SORCS3: variants seen among roughly 807,000 people sequenced by gnomAD.
SORCS3 encodes sortilin related VPS10 domain containing receptor 3, also known as VPS10 domain-containing receptor SorCS3.
Under a neutral mutation model 146.3 loss-of-function variants are expected in SORCS3, and 57 were observed. That is an observed-to-expected ratio of 0.39 (90% CI 0.31 to 0.49). The LOEUF (loss-of-function observed/expected upper bound fraction) is 0.49, where lower values mean the gene tolerates loss of function less well. Among genes scored for constraint, SORCS3 ranks in the 20% least tolerant of loss-of-function variants. SORCS3 has a pLI of 0.92. For synonymous variants in SORCS3, 653 were observed against 618.5 expected, an observed-to-expected ratio of 1.06 and a Z score of -0.83; for missense variants, 1,341 against 1,575.5, an observed-to-expected ratio of 0.85 and a Z score of 2.52.
chr10:104,719,344 T>A (rs1484062340), intron 1 of SORCS3, among the ~76,000 whole-genome samples: 1 of 152,216 alleles, frequency 6.6e-6, no homozygotes, highest in Non-Finnish European at 1.5e-5. Flanking sequence ...GTGTGCTGCA[T>A]GTGGCTTTGG....
At chr10:104,799,681 C>CA (rs376952054) in intron 1 of SORCS3, among the ~76,000 whole-genome samples, 1 of 147,536 alleles carries the variant, frequency 6.8e-6, no homozygotes, top group African/African-American at 2.5e-5. Context: ...TAACCCAGAA[C>CA]TTTTTTTTTT....
chr10:104,883,259 G>C (rs1391034481), intron 2 of SORCS3, among the ~76,000 whole-genome samples: 2 of 152,162 alleles, frequency 1.3e-5, no homozygotes, highest in African/African-American at 4.8e-5. Context: ...CCTTTCAGCA[G>C]TGAGAGTCTC....
At chr10:105,185,472 C>T (rs1046113360) in intron 14 of SORCS3, among the ~76,000 whole-genome samples, 7 of 152,152 alleles carry the variant, frequency 4.6e-5, no homozygotes, top group African/African-American at 1.2e-4. Context: ...ATGTCCTCTC[C>T]GGCTGTCCCG....
chr10:105,074,721 G>A (rs2055578244), intron 5 of SORCS3, among the ~76,000 whole-genome samples: 2 of 152,126 alleles, frequency 1.3e-5, no homozygotes, highest in South Asian at 4.1e-4. Context: ...TTCTACCATT[G>A]ATTCCAACCT....
chr10:105,159,725 T>G (rs2056245990), intron 11 of SORCS3, among the ~76,000 whole-genome samples: 1 of 152,228 alleles, frequency 6.6e-6, no homozygotes, highest in Non-Finnish European at 1.5e-5. Flanking sequence ...GCAGATAAAT[T>G]CACAGTGACT....
chr10:104,916,608 GT>G (rs1411377264), intron 3 of SORCS3, among the ~76,000 whole-genome samples: 1 of 152,160 alleles, frequency 6.6e-6, no homozygotes, highest in Non-Finnish European at 1.5e-5. Flanking sequence ...ACAATGGGCA[GT>G]TTTAGAAAAC....
At chr10:104,724,851 G>A (rs6421341) in intron 1 of SORCS3, among the ~76,000 whole-genome samples, 84,022 of 151,918 alleles carry the variant, frequency 0.55, 23,457 homozygotes, top group East Asian at 0.7. Flanking sequence ...ACTTCTCTGC[G>A]TTGGTTATTC....
At chr10:105,148,477 T>A (rs1166550878) in intron 9 of SORCS3, among the ~76,000 whole-genome samples, 1 of 152,062 alleles carries the variant, frequency 6.6e-6, no homozygotes, top group Non-Finnish European at 1.5e-5. Flanking sequence ...TGTGGTACCT[T>A]TTATAGTGAC....
At position 105,157,229 on chromosome 10, in the gene SORCS3, G is replaced by C; in HGVS notation, c.1574G>C (p.Arg525Pro). 1 of 1,614,068 alleles carries C rather than the reference G, an allele frequency of 6.2e-7. No individual in the cohort carries two copies. The highest frequency in any genetic ancestry group is 8.5e-7 in the Non-Finnish European group (1 of 1,179,958). ...ACTTACAACAAAGGCAGGGATTGGC[G>C]CCTGCTGCAAGCTCCGGATGTGGAC... ...YITYNKGRDW[R>P]LLQAPDVDLR... The change falls in exon 10 of 27, where the codon CGC becomes CCC. Residue 525 changes from arginine to proline, a missense_variant. Physicochemically the swap from Arg to Pro is moderately radical, Grantham distance 103 (BLOSUM62 -2). Coordinates refer to ENST00000369701, the MANE Select transcript of SORCS3 (RefSeq NM_014978.3).
intron 1 of SORCS3, among the ~76,000 whole-genome samples, chr10:104,766,162 G>T (rs1393362355): frequency 6.6e-6 from 1 of 152,214 alleles, no homozygotes; most frequent in East Asian, 1.9e-4. Flanking sequence ...GGGGAGTTGG[G>T]ACTAAGTCTG....
chr10:104,990,897 C>A (rs2054990008), intron 4 of SORCS3, among the ~76,000 whole-genome samples: 1 of 152,212 alleles, frequency 6.6e-6, no homozygotes, highest in East Asian at 1.9e-4. Flanking sequence ...TCAGACTTCT[C>A]ACTTCCAGAG....
rs2015581765 is a variant in SORCS3, at chr10:104,652,975, C to A, written c.627+11021C>A. ...AGCATAAGACATGTGCTAATTGGAG[C>A]ATGCTTAGGAAATAACTTGAACATA... is the stretch of plus-strand genomic sequence containing the variant. On this transcript the variant is annotated intron_variant, in intron 1 of 26. Transcript: ENST00000369701. 2.0e-5 allele frequency among the ~76,000 whole-genome samples: 3 copies of A among 152,140 alleles called. No individual in the cohort carries two copies. In the South Asian group the frequency reaches 6.2e-4, roughly 32 times the overall value.
intron 2 of SORCS3, among the ~76,000 whole-genome samples, chr10:104,889,012 A>G (rs1589537380): frequency 6.6e-6 from 1 of 152,208 alleles, no homozygotes; most frequent in Non-Finnish European, 1.5e-5. Context: ...TGTCTTCTGG[A>G]AAGATTGATT....
chr10:104,852,030 T>C (rs1215479064), intron 2 of SORCS3, among the ~76,000 whole-genome samples: 1 of 152,258 alleles, frequency 6.6e-6, no homozygotes, highest in Non-Finnish European at 1.5e-5. Context: ...AAATGTTTTG[T>C]GCCCAAGTTA....
At chr10:105,095,432 G>C (rs1202067353) in intron 6 of SORCS3, among the ~76,000 whole-genome samples, 1 of 152,160 alleles carries the variant, frequency 6.6e-6, no homozygotes, top group African/African-American at 2.4e-5. Flanking sequence ...ACTGTACTCT[G>C]AGCAGACAGA....
chr10:105,019,483 T>C (rs1238503694), intron 4 of SORCS3, among the ~76,000 whole-genome samples: 2 of 152,196 alleles, frequency 1.3e-5, no homozygotes, highest in African/African-American at 4.8e-5. Flanking sequence ...AGCCTTCCTC[T>C]TTCCATCTCT....
At chr10:104,797,841 G>C (rs768600443) in intron 1 of SORCS3, among the ~76,000 whole-genome samples, 12 of 151,942 alleles carry the variant, frequency 7.9e-5, no homozygotes, top group Non-Finnish European at 1.5e-4. Flanking sequence ...TGGGAGATTA[G>C]AGAAAAAAAG....
At chr10:105,216,462 C>A (rs568792736) in intron 18 of SORCS3, among the ~76,000 whole-genome samples, 33 of 152,182 alleles carry the variant, frequency 2.2e-4, no homozygotes, top group Non-Finnish European at 4.1e-4. Context: ...TTTGGTCTAA[C>A]TACTTATTTT....
intron 1 of SORCS3, among the ~76,000 whole-genome samples, chr10:104,678,786 A>C (rs993378341): frequency 6.6e-6 from 1 of 152,208 alleles, no homozygotes; most frequent in African/African-American, 2.4e-5. Context: ...GGTTTAAAGA[A>C]ATAATAGGAA....
Sources: allele counts gnomAD v4.1 joint callset (sites outside exome capture counted in the v4.1 genomes callset), GRCh38; gene constraint gnomAD v4.1.1; transcripts MANE v1.5; gene names NCBI Gene and HGNC (gene_info 2026-07-23, HGNC 2026-07-21).